The following BRINP3 variants were observed in gnomAD, a reference collection of about 807,000 sequenced individuals.
BRINP3 encodes BMP/retinoic acid-inducible neural-specific protein 3.
Under a neutral mutation model 71.0 loss-of-function variants are expected in BRINP3, and 19 were observed. The ratio of observed to expected loss-of-function variants is 0.27; its 90% CI spans 0.19 to 0.39. BRINP3 has a LOEUF of 0.39. Among genes scored for constraint, BRINP3 ranks in the 10% least tolerant of loss-of-function variants. BRINP3 has a pLI of 1.00. For missense variants in BRINP3, 959 were observed against 940.8 expected (o/e 1.02, Z -0.25); for synonymous variants, 380 against 337.7 (o/e 1.13, Z -1.37).
chr1:190,415,508 C>T (rs12082492), intron 2 of BRINP3, among the ~76,000 whole-genome samples: 1 of 151,988 alleles, frequency 6.6e-6, no homozygotes, highest in Non-Finnish European at 1.5e-5. Flanking sequence ...CATCAGGGAA[C>T]AACTTTTATC....
intron 2 of BRINP3, among the ~76,000 whole-genome samples, chr1:190,317,171 CAAA>C (rs397862994): frequency 0.2 from 15,056 of 76,426 alleles, 929 homozygotes; most frequent in South Asian, 0.34. Flanking sequence ...GAGTCCATCT[CAAA>C]AAAAAAAAAA....
At chr1:190,167,519 T>C (rs1651661815) in intron 6 of BRINP3, among the ~76,000 whole-genome samples, 1 of 152,118 alleles carries the variant, frequency 6.6e-6, no homozygotes, top group African/African-American at 2.4e-5. Context: ...TTCCTACCCA[T>C]TCAAAGTACA....
At chr1:190,386,639 A>G (rs943559645) in intron 2 of BRINP3, among the ~76,000 whole-genome samples, 2 of 151,990 alleles carry the variant, frequency 1.3e-5, no homozygotes, top group African/African-American at 4.8e-5. Context: ...CCAGCTCTGG[A>G]GTCAGATGCC....
chr1:190,327,831 C>T (rs193264033), intron 2 of BRINP3, among the ~76,000 whole-genome samples: 6 of 152,134 alleles, frequency 3.9e-5, no homozygotes, highest in Admixed American at 1.3e-4. Flanking sequence ...ATAATCCACC[C>T]GTCAACCACA....
intron 2 of BRINP3, among the ~76,000 whole-genome samples, chr1:190,294,578 G>T (rs1664110884): frequency 6.6e-6 from 1 of 152,044 alleles, no homozygotes; most frequent in African/African-American, 2.4e-5. Flanking sequence ...TCAGTTCCTG[G>T]CTGAGAGGGC....
chr1:190,360,513 A>C (rs1285467544), intron 2 of BRINP3, among the ~76,000 whole-genome samples: 2 of 152,178 alleles, frequency 1.3e-5, no homozygotes, highest in East Asian at 3.8e-4. Context: ...TTAAAATGTG[A>C]GAGTGCGTTA....
chr1:190,363,022 G>T (rs1669248555), intron 2 of BRINP3, among the ~76,000 whole-genome samples: 1 of 152,072 alleles, frequency 6.6e-6, no homozygotes, highest in African/African-American at 2.4e-5. Context: ...ACTTGACTTT[G>T]AGTTAAATAT....
chr1:190,322,736 A>T (rs1047083211), intron 2 of BRINP3, among the ~76,000 whole-genome samples: 2 of 152,056 alleles, frequency 1.3e-5, no homozygotes, highest in Admixed American at 6.6e-5. Context: ...CTACCATCCA[A>T]CCAAATAGAT....
intron 2 of BRINP3, among the ~76,000 whole-genome samples, chr1:190,427,182 A>G (rs570575710): frequency 1.3e-5 from 2 of 152,060 alleles, no homozygotes; most frequent in Non-Finnish European, 2.9e-5. Flanking sequence ...ACATATTTAT[A>G]AATAGCGTAT....
At chr1:190,193,797 G>A (rs1654249056) in intron 6 of BRINP3, among the ~76,000 whole-genome samples, 1 of 151,994 alleles carries the variant, frequency 6.6e-6, no homozygotes, top group Admixed American at 6.6e-5. Flanking sequence ...AATCAGAAAC[G>A]TTTTTCTCAA....
intron 2 of BRINP3, among the ~76,000 whole-genome samples, chr1:190,442,111 T>A (rs1558289850): frequency 6.6e-6 from 1 of 152,208 alleles, no homozygotes; most frequent in Non-Finnish European, 1.5e-5. Context: ...TCTGTTACTT[T>A]TTAAATTGAT....
intron 7 of BRINP3, among the ~76,000 whole-genome samples, chr1:190,113,218 A>C (rs1652840601): frequency 6.6e-6 from 1 of 151,486 alleles, no homozygotes; most frequent in Admixed American, 6.6e-5. Context: ...TTCTTCTTCC[A>C]CTCCTCCTCA....
At chr1:190,466,395 G>C (rs1183351365) in intron 1 of BRINP3, among the ~76,000 whole-genome samples, 2 of 151,670 alleles carry the variant, frequency 1.3e-5, no homozygotes, top group African/African-American at 4.8e-5. Context: ...TTATTTTCTA[G>C]AGAAGCATAA....
chr1:190,256,642 T>A (rs946849954), intron 4 of BRINP3, among the ~76,000 whole-genome samples: 8 of 152,188 alleles, frequency 5.3e-5, no homozygotes, highest in Non-Finnish European at 1.5e-5. Context: ...CCATTCCATG[T>A]TTAGTGCTTC....
intron 1 of BRINP3, among the ~76,000 whole-genome samples, chr1:190,473,799 A>G (rs1295112457): frequency 6.7e-6 from 1 of 150,222 alleles, no homozygotes; most frequent in Admixed American, 6.6e-5. Flanking sequence ...CAGTTTTCCA[A>G]CTGGTTTTCT....
intron 2 of BRINP3, among the ~76,000 whole-genome samples, chr1:190,374,238 A>G (rs1014197266): frequency 2.0e-5 from 3 of 152,116 alleles, no homozygotes; most frequent in Non-Finnish European, 4.4e-5. Context: ...TAACATAATA[A>G]GAATCAATTG....
At chr1:190,259,799 G>A (rs1408525261) in intron 4 of BRINP3, among the ~76,000 whole-genome samples, 1 of 151,860 alleles carries the variant, frequency 6.6e-6, no homozygotes, top group Non-Finnish European at 1.5e-5. Flanking sequence ...GGAGGCTGAG[G>A]CGGGTGAAAC....
intron 2 of BRINP3, among the ~76,000 whole-genome samples, chr1:190,300,325 C>A (rs983471073): frequency 6.6e-6 from 1 of 152,158 alleles, no homozygotes; most frequent in Non-Finnish European, 1.5e-5. Context: ...GATACCCTTT[C>A]TTCCAGTTGA....
chr1:190,195,042 A>T (rs1935877), intron 6 of BRINP3, among the ~76,000 whole-genome samples: 20,476 of 152,072 alleles, frequency 0.13, 1,599 homozygotes, highest in African/African-American at 0.21. Flanking sequence ...TTTAAAAAAA[A>T]ATTATAAGCA....
Sources: allele counts gnomAD v4.1 joint callset (sites outside exome capture counted in the v4.1 genomes callset), GRCh38; gene constraint gnomAD v4.1.1; transcripts MANE v1.5; gene names NCBI Gene and HGNC (gene_info 2026-07-23, HGNC 2026-07-21).